DIAPH2: variants seen among roughly 807,000 people sequenced by gnomAD.
DIAPH2 encodes the protein diaphanous related formin 2.
In DIAPH2, 35 loss-of-function variants were observed where a neutral mutation model predicts 92.7. That is an observed-to-expected ratio of 0.38 (90% CI 0.29 to 0.50). The LOEUF (loss-of-function observed/expected upper bound fraction) is 0.50. Ranked by LOEUF, DIAPH2 falls within the 20% of genes least tolerant of loss-of-function variation. DIAPH2 has a pLI of 0.94. For missense variants in DIAPH2, 701 were observed against 819.5 expected (o/e 0.86, Z 1.77); for synonymous variants, 301 against 280.4 (o/e 1.07, Z -0.73).
chrX:97,177,774 A>T (rs1179996529), intron 22 of DIAPH2, among the ~76,000 whole-genome samples: 1 of 109,670 alleles, frequency 9.1e-6, no homozygotes, highest in Non-Finnish European at 1.9e-5. Context: ...TGAATAAAGC[A>T]CTAGATAGGG....
chrX:97,509,930 C>G, intron 26 of DIAPH2, among the ~76,000 whole-genome samples: 1 of 110,341 alleles, frequency 9.1e-6, no homozygotes, highest in East Asian at 2.8e-4. Flanking sequence ...TGGGTTGGTT[C>G]CAAGTCTTTG....
At chrX:96,821,488 G>A (rs1260249134) in intron 4 of DIAPH2, among the ~76,000 whole-genome samples, 2 of 111,842 alleles carry the variant, frequency 1.8e-5, no homozygotes, top group Non-Finnish European at 3.8e-5. Context: ...TTTCTAGTTT[G>A]CTAGATGGAT....
At chrX:97,112,560 G>A (rs1013325883) in intron 20 of DIAPH2, among the ~76,000 whole-genome samples, 30 of 109,826 alleles carry the variant, frequency 2.7e-4, no homozygotes, top group African/African-American at 9.6e-4. Context: ...AATTCACGGA[G>A]ACATAGACTT....
intron 23 of DIAPH2, among the ~76,000 whole-genome samples, chrX:97,252,813 G>T (rs1045475186): frequency 9.0e-6 from 1 of 110,983 alleles, no homozygotes; most frequent in Non-Finnish European, 1.9e-5. Context: ...CTGGAGGGGG[G>T]AAGTTCATCA....
chrX:97,257,071 A>G (rs2068243621), intron 23 of DIAPH2, among the ~76,000 whole-genome samples: 1 of 111,283 alleles, frequency 9.0e-6, no homozygotes, highest in Non-Finnish European at 1.9e-5. Context: ...GCTGTCTTTT[A>G]TGTTGCAAAT....
intron 26 of DIAPH2, among the ~76,000 whole-genome samples, chrX:97,507,346 T>C (rs999704194): frequency 6.3e-5 from 7 of 110,849 alleles, no homozygotes; most frequent in African/African-American, 2.3e-4. Flanking sequence ...AATATTTCCA[T>C]ATGATGTAAT....
chrX:96,789,292 T>C (rs2064482167), intron 4 of DIAPH2, among the ~76,000 whole-genome samples: 1 of 112,001 alleles, frequency 8.9e-6, no homozygotes, highest in South Asian at 3.7e-4. Flanking sequence ...GGGCCGGTTA[T>C]GTAGACACAC....
chrX:97,055,466 C>T (rs998480442), intron 17 of DIAPH2, among the ~76,000 whole-genome samples: 5 of 111,063 alleles, frequency 4.5e-5, no homozygotes, highest in African/African-American at 1.6e-4. Context: ...AGGGAACAGA[C>T]ACAACACTTC....
chrX:97,577,100 T>C (rs2071403808), intron 26 of DIAPH2, among the ~76,000 whole-genome samples: 1 of 111,880 alleles, frequency 8.9e-6, no homozygotes, highest in Admixed American at 9.5e-5. Context: ...TACTTCACAA[T>C]CTAACCATAC....
chrX:96,964,438 A>G (rs899316815), intron 16 of DIAPH2, among the ~76,000 whole-genome samples: 6 of 111,200 alleles, frequency 5.4e-5, no homozygotes, highest in African/African-American at 2.0e-4. Flanking sequence ...ACAAAACTTC[A>G]TGGTGTATTG....
At chrX:97,508,732 T>A (rs2070855346) in intron 26 of DIAPH2, among the ~76,000 whole-genome samples, 1 of 112,044 alleles carries the variant, frequency 8.9e-6, no homozygotes, top group Non-Finnish European at 1.9e-5. Context: ...CCATCAAAGT[T>A]TCTAATTTAC....
At chrX:97,080,581 C>A (rs2066736341) in intron 19 of DIAPH2, among the ~76,000 whole-genome samples, 2 of 108,665 alleles carry the variant, frequency 1.8e-5, no homozygotes, top group Non-Finnish European at 1.9e-5. Context: ...GGTTGCTACA[C>A]GATTATGTTT....
chrX:96,787,044 A>AT lies in DIAPH2; in HGVS notation c.447+28792dup, dbSNP rs773470061. ...AGTTTTTGTGCTCTAGACAGTCTCCATTTTTTCCGTGATTACCACAATAAA... is the reference window on the plus strand; with the variant it reads ...AGTTTTTGTGCTCTAGACAGTCTCCATTTTTTTCCGTGATTACCACAATAAA... On this transcript the variant is annotated intron_variant, in intron 4 of 26. Coordinates refer to ENST00000324765, the MANE Select transcript of DIAPH2 (RefSeq NM_006729.5). Among the ~76,000 whole-genome samples, 167 of 111,762 alleles carry AT rather than the reference A, an allele frequency of 1.5e-3. 2 individuals carry two copies. Among genetic ancestry groups the AT allele is most frequent in the African/African-American group, 5.3e-3 (162 of 30,823 alleles).
chrX:96,856,162 A>G (rs1184855465), intron 4 of DIAPH2, among the ~76,000 whole-genome samples: 2 of 111,925 alleles, frequency 1.8e-5, no homozygotes, highest in African/African-American at 6.5e-5. Context: ...AGGAGCCACT[A>G]TGATATCTAA....
chrX:96,693,036 A>G (rs1345394391), intron 1 of DIAPH2, among the ~76,000 whole-genome samples: 2 of 112,053 alleles, frequency 1.8e-5, no homozygotes, highest in East Asian at 5.6e-4. Flanking sequence ...TAATGAGGTG[A>G]TGGAGCTGGG....
At chrX:97,291,756 T>G (rs934852550) in intron 23 of DIAPH2, among the ~76,000 whole-genome samples, 1 of 111,030 alleles carries the variant, frequency 9.0e-6, no homozygotes, top group Non-Finnish European at 1.9e-5. Flanking sequence ...CAGGCTGGTC[T>G]CGAACGCATG....
chrX:97,364,403 T>A (rs182669523), intron 24 of DIAPH2, among the ~76,000 whole-genome samples: 2 of 112,104 alleles, frequency 1.8e-5, no homozygotes, highest in African/African-American at 6.5e-5. Context: ...AGATGTAGTA[T>A]CAACTCAGCT....
chrX:97,498,423 C>G (rs1050564588), intron 26 of DIAPH2, among the ~76,000 whole-genome samples: 8 of 111,315 alleles, frequency 7.2e-5, no homozygotes, highest in Admixed American at 3.8e-4. Flanking sequence ...AGATTTTCTG[C>G]TGGAAAAATC....
At chrX:96,790,764 C>T (rs1463948277) in intron 4 of DIAPH2, among the ~76,000 whole-genome samples, 4 of 111,576 alleles carry the variant, frequency 3.6e-5, no homozygotes, top group African/African-American at 9.8e-5. Flanking sequence ...GATGTGACAG[C>T]TAACAGGAGA....
Sources: gnomAD v4.1 joint callset for allele counts (sites outside exome capture counted in the v4.1 genomes callset) on GRCh38, gnomAD v4.1.1 for gene constraint, MANE v1.5 for transcripts, NCBI Gene and HGNC (gene_info 2026-07-23, HGNC 2026-07-21) for gene names.